Variants in UCHL5 observed in about 807,000 individuals in gnomAD.
The protein encoded by UCHL5 is ubiquitin C-terminal hydrolase L5.
Under a neutral mutation model 53.8 loss-of-function variants are expected in UCHL5, and 34 were observed. The observed-to-expected ratio is 0.63, with a 90% CI of 0.48 to 0.84. The LOEUF (loss-of-function observed/expected upper bound fraction) is 0.84, where lower values mean the gene tolerates loss of function less well. Ranked by LOEUF, UCHL5 falls within the 40% of genes least tolerant of loss-of-function variation. The pLI, the probability that UCHL5 is intolerant of heterozygous loss-of-function variation, is 0.00. For synonymous variants in UCHL5, 111 were observed against 126.3 expected (o/e 0.88, Z 0.81); for missense variants, 290 against 385.6 (o/e 0.75, Z 2.08).
chr1:193,021,029 T>TA (rs770588883), intron 10 of UCHL5, 68 bp downstream of exon 10: 153 of 1,256,682 alleles, frequency 1.2e-4, no homozygotes, highest in South Asian at 8.2e-4. Flanking sequence ...AAGCAAAAAA[T>TA]AAAAAATACA....
chr1:193,033,569 C>T (rs1662294075), intron 3 of UCHL5, among the ~76,000 whole-genome samples: 1 of 151,700 alleles, frequency 6.6e-6, no homozygotes, highest in African/African-American at 2.4e-5. Context: ...TTCATTGAGT[C>T]ACAGCTATAG....
chr1:193,037,730 TAGTAACAAACCAAATTCAAA>T (rs1230062285), intron 3 of UCHL5, among the ~76,000 whole-genome samples: 1 of 151,886 alleles, frequency 6.6e-6, no homozygotes, highest in Non-Finnish European at 1.5e-5. Flanking sequence ...TTCAACCAAA[TAGTAACAAACCAAATTCAAA>T]AGTAACAAAC....
chr1:193,049,732 T>C lies in UCHL5; in HGVS notation c.246+14A>G. 1 of 1,596,806 alleles carries C rather than the reference T, an allele frequency of 6.3e-7. No individual in the cohort carries two copies. Among genetic ancestry groups the C allele is most frequent in the Non-Finnish European group, 8.5e-7 (1 of 1,170,130 alleles). ...GTTGCTCTTGAGACTTTTCAGAGTA[T>C]CCAAGGACCATACCTGCTTAGCAAA... On this transcript the variant is annotated intron_variant, in intron 3 of 10. Coordinates refer to ENST00000367454, the MANE Select transcript of UCHL5 (RefSeq NM_001199261.3).
chr1:193,052,198 A>T (rs1364801704), intron 1 of UCHL5, among the ~76,000 whole-genome samples: 1 of 152,020 alleles, frequency 6.6e-6, no homozygotes, highest in Non-Finnish European at 1.5e-5. Flanking sequence ...GTAAATAACT[A>T]ATACTTAACA....
At chr1:193,033,539 TA>T (rs1418529192) in intron 3 of UCHL5, among the ~76,000 whole-genome samples, 2 of 151,874 alleles carry the variant, frequency 1.3e-5, no homozygotes, top group South Asian at 2.1e-4. Flanking sequence ...TATATTAAGT[TA>T]AAAAAATTAT....
chr1:193,020,313 T>A, intron 10 of UCHL5: 1 of 1,545,952 alleles, frequency 6.5e-7, no homozygotes, highest in Non-Finnish European at 8.7e-7. Flanking sequence ...CTACCATGTA[T>A]TCTCGTCTTT....
chr1:193,046,225 C>T (rs1027934079), intron 3 of UCHL5, among the ~76,000 whole-genome samples: 1 of 149,486 alleles, frequency 6.7e-6, no homozygotes, highest in African/African-American at 2.5e-5. Context: ...GAGACAGGGT[C>T]GCCCTATATC....
At chr1:193,037,969 C>T (rs1015529435) in intron 3 of UCHL5, among the ~76,000 whole-genome samples, 1 of 149,942 alleles carries the variant, frequency 6.7e-6, no homozygotes, top group Non-Finnish European at 1.5e-5. Context: ...TCAATATGTG[C>T]TAATCAATAA....
intron 2 of UCHL5, among the ~76,000 whole-genome samples, chr1:193,050,913 T>C (rs1300304212): frequency 6.6e-6 from 1 of 152,172 alleles, no homozygotes. Context: ...TATGCCACCA[T>C]GCCTGGCTCC....
upstream of UCHL5, chr1:193,059,546 C>G: frequency 1.3e-6 from 2 of 1,542,222 alleles, no homozygotes; most frequent in Non-Finnish European, 1.8e-6. The surrounding 1 kb of genome is among the most constrained non-coding windows in gnomAD (Gnocchi z 4.9). Flanking sequence ...TTCACAGCGC[C>G]GAGGAGGCAA....
chr1:193,055,699 A>T (rs1670422395), intron 1 of UCHL5, among the ~76,000 whole-genome samples: 2 of 152,232 alleles, frequency 1.3e-5, no homozygotes, highest in South Asian at 4.1e-4. Context: ...TTGATTTTTT[A>T]AATGTTAAAC....
intron 1 of UCHL5, among the ~76,000 whole-genome samples, chr1:193,058,637 G>A (rs778381717): frequency 6.6e-6 from 1 of 152,252 alleles, no homozygotes; most frequent in African/African-American, 2.4e-5. Context: ...GGCCTTTCAG[G>A]CCCACGCAGT....
chr1:193,041,429 T>C (rs1459155440), intron 3 of UCHL5, among the ~76,000 whole-genome samples: 1 of 152,108 alleles, frequency 6.6e-6, no homozygotes, highest in Non-Finnish European at 1.5e-5. Flanking sequence ...AAAAATGAAG[T>C]AGCATTTTGG....
At position 193,012,600 on chromosome 1, in the gene UCHL5, G is replaced by GA. The variant is rs1330045625; in HGVS notation, c.*3750dup. On this transcript the variant is annotated 3_prime_UTR_variant, in exon 11 of 11. Transcript: ENST00000367454. ...TGTACAGTGCTAGTTCAGTACTAGA[G>GA]AAAAAATTATCTTCATTTAGGTCTC... The GA allele has an allele frequency of 1.3e-5, 2 of 152,130 alleles. No individual in the cohort carries two copies. The highest frequency in any genetic ancestry group is 2.4e-5 in the African/African-American group (1 of 41,422). The allele number at this position is 152,130 out of a possible 1,614,324, so 9.4% of individuals were successfully genotyped here.
chr1:193,041,947 G>C (rs1478658932), intron 3 of UCHL5, among the ~76,000 whole-genome samples: 2 of 151,852 alleles, frequency 1.3e-5, no homozygotes, highest in African/African-American at 2.4e-5. Flanking sequence ...AACATAATGA[G>C]ATTCTGTCTC....
At chr1:193,059,631 A>AC (rs1253408824), upstream of UCHL5, 4 of 1,401,730 alleles carry the variant, frequency 2.9e-6, no homozygotes, top group African/African-American at 5.8e-5. This position sits in a 1 kb window ranked among gnomAD's most constrained non-coding sequence, Gnocchi z 4.9. Flanking sequence ...CGGGAACCGA[A>AC]CCTGGAATCC....
intron 9 of UCHL5, among the ~76,000 whole-genome samples, chr1:193,021,506 T>C (rs1657000219): frequency 6.6e-6 from 1 of 152,224 alleles, no homozygotes. Flanking sequence ...TAACATTTGC[T>C]ACTTCACCTG....
At chr1:193,055,438 G>A (rs1052381031) in intron 1 of UCHL5, among the ~76,000 whole-genome samples, 1 of 152,178 alleles carries the variant, frequency 6.6e-6, no homozygotes, top group African/African-American at 2.4e-5. Context: ...TGGACTTGGA[G>A]GAAAAGGCAA....
At chr1:193,039,923 C>G (rs1664948916) in intron 3 of UCHL5, among the ~76,000 whole-genome samples, 1 of 152,088 alleles carries the variant, frequency 6.6e-6, no homozygotes, top group Non-Finnish European at 1.5e-5. Flanking sequence ...ATAAATGGTT[C>G]TGGGAAAACT....
Sources: gnomAD v4.1 joint callset for allele counts (sites outside exome capture counted in the v4.1 genomes callset) on GRCh38, gnomAD v4.1.1 for gene constraint, Gnocchi (gnomAD v3.1) non-coding constraint, MANE v1.5 for transcripts, NCBI Gene and HGNC (gene_info 2026-07-23, HGNC 2026-07-21) for gene names.